Variants in ROR2 observed in about 807,000 individuals in gnomAD.
ROR2 encodes tyrosine-protein kinase transmembrane receptor ROR2.
Under a neutral mutation model 74.9 loss-of-function variants are expected in ROR2, and 33 were observed. That is an observed-to-expected ratio of 0.44 (90% CI 0.33 to 0.59). The LOEUF is 0.59. Among genes scored for constraint, ROR2 ranks in the 20% least tolerant of loss-of-function variants. The pLI is 0.02. For missense variants in ROR2, 1,216 were observed against 1,313.8 expected (o/e 0.93, Z 1.15); for synonymous variants, 586 against 558.7 (o/e 1.05, Z -0.69).
chr9:91,881,922 G>A (rs1422142490), intron 1 of ROR2, among the ~76,000 whole-genome samples: 5 of 152,202 alleles, frequency 3.3e-5, no homozygotes, highest in Non-Finnish European at 4.4e-5. Context: ...GAGGGCAGGC[G>A]AGGCCCTCAG....
chr9:91,785,786 C>A (rs1479517503), intron 1 of ROR2, among the ~76,000 whole-genome samples: 1 of 152,242 alleles, frequency 6.6e-6, no homozygotes, highest in Non-Finnish European at 1.5e-5. Flanking sequence ...CTGGAGAGCA[C>A]TGACCTGCTC....
chr9:91,832,623 A>G (rs1302161428), intron 1 of ROR2, among the ~76,000 whole-genome samples: 2 of 152,210 alleles, frequency 1.3e-5, no homozygotes, highest in Non-Finnish European at 2.9e-5. Context: ...AACTCCCACC[A>G]GGGACAGTAG....
rs1398407441 is a variant in ROR2 at position 91,780,622 on chromosome 9, C to A, written c.98-4804G>T. Among the ~76,000 whole-genome samples the A allele has an allele frequency of 3.3e-5, 5 of 151,776 alleles. No individual in the cohort carries two copies. In the South Asian group the frequency reaches 1.0e-3, roughly 32 times the overall value. On this transcript the variant is annotated intron_variant, in intron 1 of 8. Transcript: ENST00000375708. ...CCTGGCCAACGTGGTGAAATCCCAT[C>A]TGTACTAAAAATACAAAAATTAGCC...
chr9:91,748,836 G>C (rs1000088209), intron 4 of ROR2, among the ~76,000 whole-genome samples: 1 of 152,200 alleles, frequency 6.6e-6, no homozygotes, highest in East Asian at 1.9e-4. Context: ...AGACCAGCCT[G>C]ACCAACATGG....
chr9:91,910,851 A>C (rs184988280), intron 1 of ROR2, among the ~76,000 whole-genome samples: 1 of 152,224 alleles, frequency 6.6e-6, no homozygotes, highest in African/African-American at 2.4e-5. Context: ...TTTAGTAGAG[A>C]CGGGGTTTCA....
At chr9:91,834,659 C>T (rs916953149) in intron 1 of ROR2, among the ~76,000 whole-genome samples, 2 of 152,192 alleles carry the variant, frequency 1.3e-5, no homozygotes, top group African/African-American at 4.8e-5. Flanking sequence ...ACTTAAGATT[C>T]CAACATGAAA....
intron 1 of ROR2, among the ~76,000 whole-genome samples, chr9:91,858,931 T>C (rs959528736): frequency 2.0e-5 from 3 of 152,094 alleles, no homozygotes; most frequent in Non-Finnish European, 4.4e-5. Context: ...TCGGGCTCTA[T>C]TGCCCACCTC....
intron 7 of ROR2, among the ~76,000 whole-genome samples, chr9:91,727,401 A>ATT (rs11436642): frequency 0.011 from 1,534 of 145,902 alleles, 10 homozygotes; most frequent in Middle Eastern, 0.025. Flanking sequence ...CCTTCCCTGC[A>ATT]TTTTTTTTTT....
At chr9:91,802,225 C>G (rs771099273) in intron 1 of ROR2, among the ~76,000 whole-genome samples, 2 of 151,290 alleles carry the variant, frequency 1.3e-5, no homozygotes, top group Non-Finnish European at 2.9e-5. Context: ...AGGCGCCCGC[C>G]ACCAGGCCCG....
chr9:91,859,648 T>A (rs1829409104), intron 1 of ROR2, among the ~76,000 whole-genome samples: 1 of 151,656 alleles, frequency 6.6e-6, no homozygotes, highest in Non-Finnish European at 1.5e-5. Flanking sequence ...CATGGCGAAA[T>A]CCCATCTCTA....
intron 1 of ROR2, among the ~76,000 whole-genome samples, chr9:91,836,539 C>CAAAAAAAAAAAAAAAAAAA (rs753563302): frequency 2.0e-5 from 2 of 102,484 alleles, no homozygotes; most frequent in African/African-American, 6.6e-5. Flanking sequence ...GATTCCATCT[C>CAAAAAAAAAAAAAAAAAAA]AAAAAAAAAA....
intron 1 of ROR2, among the ~76,000 whole-genome samples, chr9:91,923,166 C>A (rs139541340): frequency 6.6e-6 from 1 of 152,146 alleles, no homozygotes; most frequent in Non-Finnish European, 1.5e-5. Context: ...CCTCTAGGCA[C>A]AGAGCAGGTG....
intron 1 of ROR2, among the ~76,000 whole-genome samples, chr9:91,880,986 T>C (rs188424916): frequency 6.6e-5 from 10 of 152,350 alleles, no homozygotes; most frequent in Admixed American, 6.5e-5. Flanking sequence ...ATTAGGATTA[T>C]GTACAAGAAT....
At position 91,810,656 on chromosome 9, in the gene ROR2, G is replaced by A. The variant is rs560924881; in HGVS notation, c.98-34838C>T. Among the ~76,000 whole-genome samples, 5 of 152,244 alleles carry A rather than the reference G, an allele frequency of 3.3e-5. No individual in the cohort carries two copies. The South Asian group carries it at 8.3e-4, about 25-fold the overall frequency. ...ACAGGACGCCTGTCCGGTCACTCTC[G>A]GCAGAGGCTGCATGCTCAGCAATAA... On this transcript the variant is annotated intron_variant, in intron 1 of 8. Coordinates refer to ENST00000375708, the MANE Select transcript of ROR2 (RefSeq NM_004560.4).
chr9:91,851,531 C>T (rs1829092421), intron 1 of ROR2, among the ~76,000 whole-genome samples: 1 of 152,128 alleles, frequency 6.6e-6, no homozygotes, highest in South Asian at 2.1e-4. Flanking sequence ...TGTCTTGGTT[C>T]TTCTTGCTCA....
chr9:91,802,558 C>T (rs1251659240), intron 1 of ROR2, among the ~76,000 whole-genome samples: 1 of 152,122 alleles, frequency 6.6e-6, no homozygotes, highest in African/African-American at 2.4e-5. Context: ...TCTGTAAACA[C>T]CATTTAAACA....
intron 1 of ROR2, among the ~76,000 whole-genome samples, chr9:91,835,025 G>A (rs1455049058): frequency 1.3e-5 from 2 of 152,214 alleles, no homozygotes; most frequent in African/African-American, 2.4e-5. Context: ...GGCCAGGGAT[G>A]AGGAGCCTGA....
chr9:91,737,580 T>G lies in ROR2; in HGVS notation c.495-62A>C. 3.1e-6 allele frequency: 5 copies of G among 1,612,102 alleles called. No individual in the cohort carries two copies. The South Asian group carries it at 5.5e-5, about 18-fold the overall frequency. On this transcript the variant is annotated intron_variant, in intron 4 of 8. Transcript: ENST00000375708. ...GAGGTGCCAGGTCCCGCCAATGACTTCTTTTATGATCCAGCATCTTGCGAT... is the reference window on the plus strand; with the variant it reads ...GAGGTGCCAGGTCCCGCCAATGACTGCTTTTATGATCCAGCATCTTGCGAT...
chr9:91,750,914 T>C (rs1825578437), intron 4 of ROR2, among the ~76,000 whole-genome samples: 1 of 152,226 alleles, frequency 6.6e-6, no homozygotes, highest in Non-Finnish European at 1.5e-5. Context: ...TGAAATGTAA[T>C]GTAAAATTAC....
Sources: allele counts gnomAD v4.1 joint callset (sites outside exome capture counted in the v4.1 genomes callset), GRCh38; gene constraint gnomAD v4.1.1; transcripts MANE v1.5; gene names NCBI Gene and HGNC (gene_info 2026-07-23, HGNC 2026-07-21).